The following ATP2B2 variants were observed in gnomAD, a reference collection of about 807,000 sequenced individuals.
ATP2B2 encodes the protein plasma membrane calcium-transporting ATPase 2.
In ATP2B2, 15 loss-of-function variants were observed where a neutral mutation model predicts 120.0. That is an observed-to-expected ratio of 0.12 (90% CI 0.08 to 0.19). The LOEUF (loss-of-function observed/expected upper bound fraction) is 0.19. ATP2B2 is among the 10% of genes least tolerant of loss of function. The pLI is 1.00. For missense variants in ATP2B2, 1,045 were observed against 1,719.8 expected, an observed-to-expected ratio of 0.61 and a Z score of 6.94; for synonymous variants, 694 against 700.3, an observed-to-expected ratio of 0.99 and a Z score of 0.14.
At chr3:10,667,138 G>A (rs776079881) in intron 1 of ATP2B2, among the ~76,000 whole-genome samples, 11 of 152,174 alleles carry the variant, frequency 7.2e-5, no homozygotes, top group Non-Finnish European at 1.5e-4. Context: ...GACTGGGCAG[G>A]ACCACCTCCG....
intron 2 of ATP2B2, among the ~76,000 whole-genome samples, chr3:10,546,261 G>A (rs888624329): frequency 6.6e-6 from 1 of 152,082 alleles, no homozygotes; most frequent in African/African-American, 2.4e-5. Flanking sequence ...GACCCCATCT[G>A]CCTGACTCCA....
chr3:10,437,525 ACTT>A (rs1293142584), intron 2 of ATP2B2, among the ~76,000 whole-genome samples: 2 of 152,280 alleles, frequency 1.3e-5, no homozygotes, highest in East Asian at 3.9e-4. Context: ...CCTAACGCCC[ACTT>A]CTTAACGCCC....
chr3:10,504,227 G>A (rs1022998397), intron 1 of ATP2B2, among the ~76,000 whole-genome samples: 2 of 151,360 alleles, frequency 1.3e-5, no homozygotes, highest in African/African-American at 4.9e-5. Context: ...CTCCTTCAAC[G>A]AAGTTAACAG....
In ATP2B2 at chr3:10,622,652, T is replaced by C. The variant is rs536723451; in HGVS notation, c.-459-2691A>G. Among the ~76,000 whole-genome samples the C allele has an allele frequency of 1.2e-3, 183 of 152,280 alleles. 2 individuals are homozygous for C. The highest frequency in any genetic ancestry group is 4.3e-3 in the African/African-American group (178 of 41,560). The stretch of plus-strand genomic sequence containing the variant: ...AATCTATGATTCTTGCCCTTCTAAA[T>C]TGCAGGTGACCGCACTTCTCACCCT... On this transcript the variant is annotated intron_variant, in intron 1 of 21. Coordinates refer to the ATP2B2 transcript ENST00000646379.
At chr3:10,362,373 G>A (rs2060927048) in intron 12 of ATP2B2, among the ~76,000 whole-genome samples, 1 of 152,180 alleles carries the variant, frequency 6.6e-6, no homozygotes, top group Non-Finnish European at 1.5e-5. Context: ...CTAGGGCTCG[G>A]GCCCAAAGAG....
chr3:10,376,394 G>C (rs1267977262), intron 10 of ATP2B2, among the ~76,000 whole-genome samples: 1 of 152,164 alleles, frequency 6.6e-6, no homozygotes, highest in Non-Finnish European at 1.5e-5. Context: ...TGGTGACCTA[G>C]GGAAGAACAT....
At chr3:10,480,561 T>C (rs1369771151) in intron 1 of ATP2B2, among the ~76,000 whole-genome samples, 5 of 152,210 alleles carry the variant, frequency 3.3e-5, no homozygotes, top group Non-Finnish European at 7.3e-5. Context: ...GCCTTGTTCC[T>C]GGACAGAACT....
chr3:10,405,462 C>T (rs3774155), intron 3 of ATP2B2, among the ~76,000 whole-genome samples: 28,612 of 151,950 alleles, frequency 0.19, 3,110 homozygotes, highest in East Asian at 0.38. Flanking sequence ...GGTAGGGATT[C>T]GGCCACCTGG....
At chr3:10,522,900 C>T (rs1172127918) in intron 3 of ATP2B2, among the ~76,000 whole-genome samples, 2 of 152,314 alleles carry the variant, frequency 1.3e-5, no homozygotes, top group East Asian at 1.9e-4. Flanking sequence ...GAGATGGTGA[C>T]GATGATGTCG....
rs141009802 is a variant in ATP2B2 at position 10,346,046 on chromosome 3, G to A, written c.2496C>T (p.Asp832=). 5.5e-5 allele frequency: 88 copies of A among 1,611,798 alleles called. No individual in the cohort carries two copies. The Middle Eastern group carries it at 3.8e-3, about 69-fold the overall frequency. Residue 832 remains aspartate, a synonymous_variant, in exon 17 of 23, where the codon GAC becomes GAT. Transcript: ENST00000360273. This position sits in a 1 kb window ranked among gnomAD's most constrained non-coding sequence, Gnocchi z 4.1. The part of the protein sequence containing the change: ...TNDGPALKKA[D]VGFAMGIAGT... ...CCGTTCCTACCATGGCGAAGCCCAC[G>A]TCGGCCTTCTTGAGTGCAGGCCCGT... is the stretch of plus-strand genomic sequence containing the variant.
At chr3:10,378,448 C>G (rs764621176) in intron 9 of ATP2B2, 38 bp from the exon 10 acceptor site, 6 of 1,598,322 alleles carry the variant, frequency 3.8e-6, no homozygotes, top group Non-Finnish European at 5.1e-6. Flanking sequence ...TACACACAGA[C>G]ACATAGACAC....
intron 1 of ATP2B2, among the ~76,000 whole-genome samples, chr3:10,633,281 T>C (rs1559497191): frequency 6.6e-6 from 1 of 152,178 alleles, no homozygotes. Flanking sequence ...ATGCTATTTC[T>C]CCCACCCTGC....
intron 2 of ATP2B2, among the ~76,000 whole-genome samples, chr3:10,421,004 G>T (rs1312200133): frequency 6.6e-6 from 1 of 152,198 alleles, no homozygotes; most frequent in Non-Finnish European, 1.5e-5. Flanking sequence ...TGGAGCGGCG[G>T]CTTCAGCATC....
intron 2 of ATP2B2, among the ~76,000 whole-genome samples, chr3:10,544,223 T>G (rs1345610017): frequency 6.6e-6 from 1 of 152,116 alleles, no homozygotes; most frequent in Non-Finnish European, 1.5e-5. Flanking sequence ...TTAAACAATT[T>G]TCTTAAAGGG....
In ATP2B2 at chr3:10,338,169, C is replaced by T. The variant is rs749369326; in HGVS notation, c.3420+7G>A. On this transcript the variant is annotated splice_region_variant and intron_variant, in intron 22 of 22. Transcript: ENST00000360273. ...GCCTGGGCCCAGCCCCCAAGAGCCTCCTGTACCTGTGTCTGGATCCGATTC... is the reference window on the plus strand; with the variant it reads ...GCCTGGGCCCAGCCCCCAAGAGCCTTCTGTACCTGTGTCTGGATCCGATTC... 1 of 1,613,914 alleles carries T rather than the reference C, an allele frequency of 6.2e-7. No individual in the cohort carries two copies. The highest frequency in any genetic ancestry group is 8.5e-7 in the Non-Finnish European group (1 of 1,180,016).
chr3:10,461,472 T>C (rs527296062), intron 1 of ATP2B2, among the ~76,000 whole-genome samples: 3 of 152,324 alleles, frequency 2.0e-5, no homozygotes, highest in African/African-American at 7.2e-5. Context: ...GCACCCTCCC[T>C]CATGGTAAAG....
upstream of ATP2B2, among the ~76,000 whole-genome samples, chr3:10,510,373 G>A (rs2066736858): frequency 5.9e-5 from 9 of 152,246 alleles, no homozygotes; most frequent in South Asian, 1.9e-3. Context: ...GTAAAACATT[G>A]TAGCGCAAGG....
At position 10,606,924 on chromosome 3, in the gene ATP2B2, GA is replaced by G. The variant is rs1559483132; in HGVS notation, c.-415+12992del. ...ACACACACACACACAGAGAGAGAGA[GA>G]GAGAGAGAGAGAGGGAGAGGGAGAG... On this transcript the variant is annotated intron_variant, in intron 2 of 21. Transcript: ENST00000646379. Among the ~76,000 whole-genome samples, 422 of 87,650 alleles carry G rather than the reference GA, an allele frequency of 4.8e-3. 1 individual carries two copies. Among genetic ancestry groups the G allele is most frequent in the Non-Finnish European group, 6.5e-3 (335 of 51,610 alleles). The allele number at this position is 87,650 out of a possible 152,430, so 57.5% of individuals were successfully genotyped here.
At chr3:10,646,064 C>A (rs943849809) in intron 1 of ATP2B2, among the ~76,000 whole-genome samples, 5 of 152,196 alleles carry the variant, frequency 3.3e-5, no homozygotes, top group Non-Finnish European at 7.3e-5. Flanking sequence ...CCAGTGAAGA[C>A]CCCGCCCAGA....
Sources: gnomAD v4.1 joint callset for allele counts (sites outside exome capture counted in the v4.1 genomes callset) on GRCh38, gnomAD v4.1.1 for gene constraint, Gnocchi (gnomAD v3.1) non-coding constraint, MANE v1.5 for transcripts, NCBI Gene and HGNC (gene_info 2026-07-23, HGNC 2026-07-21) for gene names.